NAALADL2: variants seen among roughly 807,000 people sequenced by gnomAD.
NAALADL2 encodes inactive N-acetylated-alpha-linked acidic dipeptidase-like protein 2.
NAALADL2 carries 76 observed loss-of-function variants against 87.2 expected under a neutral mutation model. That is an observed-to-expected ratio of 0.87 (90% CI 0.72 to 1.05). The LOEUF (loss-of-function observed/expected upper bound fraction) is 1.05. NAALADL2 is among the 50% of genes least tolerant of loss of function. The pLI is 0.00. For missense variants in NAALADL2, 1,089 were observed against 945.8 expected, an observed-to-expected ratio of 1.15 and a Z score of -1.99; for synonymous variants, 354 against 331.0, an observed-to-expected ratio of 1.07 and a Z score of -0.75.
intron 4 of NAALADL2, among the ~76,000 whole-genome samples, chr3:175,277,368 A>C (rs1753738274): frequency 6.6e-6 from 1 of 152,194 alleles, no homozygotes; most frequent in African/African-American, 2.4e-5. Context: ...AAACTGTATC[A>C]TGAGATTATC....
intron 4 of NAALADL2, 113 bp from the exon 5 acceptor site, chr3:175,324,058 AAAAG>A (rs1239218638): frequency 6.4e-6 from 5 of 779,728 alleles, no homozygotes; most frequent in East Asian, 2.9e-5. Context: ...AAGAAAAAGA[AAAAG>A]AAAAAAAAAC....
chr3:175,695,112 A>AAAT (rs1437923113), intron 11 of NAALADL2, among the ~76,000 whole-genome samples: 1 of 150,904 alleles, frequency 6.6e-6, no homozygotes, highest in Non-Finnish European at 1.5e-5. Context: ...GGCATTTTTT[A>AAAT]AATAAAATGC....
chr3:174,628,266 A>G (rs1277843269), intron 2 of NAALADL2, among the ~76,000 whole-genome samples: 1 of 152,020 alleles, frequency 6.6e-6, no homozygotes, highest in East Asian at 1.9e-4. Context: ...TCATGAGGTC[A>G]GGAGTTTGAG....
chr3:174,932,537 AAG>A (rs1452036937), intron 1 of NAALADL2, among the ~76,000 whole-genome samples: 7 of 152,154 alleles, frequency 4.6e-5, no homozygotes, highest in African/African-American at 1.7e-4. Context: ...TATTAAAATG[AAG>A]AGTCATTGGG....
intron 1 of NAALADL2, among the ~76,000 whole-genome samples, chr3:175,034,032 G>A (rs994062712): frequency 6.6e-6 from 1 of 151,974 alleles, no homozygotes; most frequent in African/African-American, 2.4e-5. Flanking sequence ...GAATATCCAC[G>A]CTTCTTGATT....
intron 2 of NAALADL2, among the ~76,000 whole-genome samples, chr3:174,567,482 T>C (rs1714427347): frequency 6.6e-6 from 1 of 151,562 alleles, no homozygotes. Flanking sequence ...ATATTATTTA[T>C]ACCTACCTGA....
chr3:175,479,747 A>G (rs576041549), intron 9 of NAALADL2, among the ~76,000 whole-genome samples: 1 of 151,816 alleles, frequency 6.6e-6, no homozygotes. Flanking sequence ...ATAACCTGAC[A>G]TGAATCTCTC....
intron 9 of NAALADL2, among the ~76,000 whole-genome samples, chr3:175,475,699 G>T (rs1725591383): frequency 6.6e-6 from 1 of 151,972 alleles, no homozygotes; most frequent in Non-Finnish European, 1.5e-5. Context: ...ACTTTGCAGG[G>T]GACAGACAGT....
At chr3:174,667,376 A>T (rs1271536849) in intron 2 of NAALADL2, among the ~76,000 whole-genome samples, 1 of 152,006 alleles carries the variant, frequency 6.6e-6, no homozygotes, top group Non-Finnish European at 1.5e-5. Flanking sequence ...TCTGGAGCAG[A>T]AAGTGGGCAC....
rs898967337 is a variant in NAALADL2 at position 175,221,585 on chromosome 3, A to C, written c.546-12346A>C. ...TGATTGCTGATTTGCATTTTTTGGT[A>C]CCTTCAAGTTTTGCTTTATAAGTTG... is the stretch of plus-strand genomic sequence containing the variant. On this transcript the variant is annotated intron_variant, in intron 2 of 13. Coordinates refer to ENST00000454872, the MANE Select transcript of NAALADL2 (RefSeq NM_207015.3). Among the ~76,000 whole-genome samples, 6 of 151,970 alleles carry C rather than the reference A, an allele frequency of 3.9e-5. No individual in the cohort carries two copies. The East Asian group carries it at 1.2e-3, about 29-fold the overall frequency.
chr3:174,663,105 A>G (rs992249477), intron 2 of NAALADL2, among the ~76,000 whole-genome samples: 2 of 152,218 alleles, frequency 1.3e-5, no homozygotes, highest in South Asian at 2.1e-4. Context: ...TTAAAAATAT[A>G]TTCCATTGGC....
At chr3:175,084,871 G>A (rs1225159627) in intron 1 of NAALADL2, among the ~76,000 whole-genome samples, 3 of 152,190 alleles carry the variant, frequency 2.0e-5, no homozygotes, top group Non-Finnish European at 4.4e-5. Context: ...GTGGTTGGAT[G>A]CAAAATGTGT....
chr3:175,064,992 T>C (rs1272586444), intron 1 of NAALADL2, among the ~76,000 whole-genome samples: 1 of 152,128 alleles, frequency 6.6e-6, no homozygotes, highest in Non-Finnish European at 1.5e-5. Context: ...TAAAAATTCA[T>C]TTTCGACAAT....
At chr3:175,014,945 G>A (rs1276001803) in intron 1 of NAALADL2, among the ~76,000 whole-genome samples, 1 of 151,854 alleles carries the variant, frequency 6.6e-6, no homozygotes, top group Non-Finnish European at 1.5e-5. Context: ...GCTTAGGAAT[G>A]CTACTTTCAA....
intron 1 of NAALADL2, among the ~76,000 whole-genome samples, chr3:174,971,665 C>CTGTGTGTG (rs10662918): frequency 0.069 from 10,043 of 144,704 alleles, 382 homozygotes; most frequent in Non-Finnish European, 0.094. Flanking sequence ...GTATGCTAGA[C>CTGTGTGTG]TGTGTGTGTG....
chr3:175,446,869 C>T (rs1338982909), intron 5 of NAALADL2, among the ~76,000 whole-genome samples: 1 of 152,178 alleles, frequency 6.6e-6, no homozygotes, highest in Non-Finnish European at 1.5e-5. Context: ...ATCACTGACA[C>T]TTACATATCT....
At chr3:175,297,106 A>G (rs1053178271) in intron 4 of NAALADL2, among the ~76,000 whole-genome samples, 5 of 152,142 alleles carry the variant, frequency 3.3e-5, no homozygotes, top group African/African-American at 4.8e-5. Context: ...GGTACTATCT[A>G]TGGCTCCTTT....
chr3:175,314,835 T>TTTCATTCA (rs1356705315), intron 4 of NAALADL2, among the ~76,000 whole-genome samples: 1 of 150,500 alleles, frequency 6.6e-6, no homozygotes, highest in Non-Finnish European at 1.5e-5. Flanking sequence ...ACAGTATGTT[T>TTTCATTCA]TTCATTCATT....
intron 5 of NAALADL2, among the ~76,000 whole-genome samples, chr3:175,328,415 T>A (rs1356701080): frequency 6.7e-6 from 1 of 149,264 alleles, no homozygotes; most frequent in Non-Finnish European, 1.5e-5. Context: ...TAAGTTCTAC[T>A]GTAAAAAAAA....
Sources: allele counts gnomAD v4.1 joint callset (sites outside exome capture counted in the v4.1 genomes callset), GRCh38; gene constraint gnomAD v4.1.1; transcripts MANE v1.5; gene names NCBI Gene and HGNC (gene_info 2026-07-23, HGNC 2026-07-21).